KCNH5: variants seen among roughly 807,000 people sequenced by gnomAD.
KCNH5 encodes voltage-gated delayed rectifier potassium channel KCNH5.
In KCNH5, 46 loss-of-function variants were observed where a neutral mutation model predicts 96.1. That is an observed-to-expected ratio of 0.48 (90% CI 0.38 to 0.61). KCNH5 has a LOEUF of 0.61. Among genes scored for constraint, KCNH5 ranks in the 20% least tolerant of loss-of-function variants. The pLI is 0.00. For missense variants in KCNH5, 907 were observed against 1,225.8 expected (o/e 0.74, Z 3.88); for synonymous variants, 439 against 449.8 (o/e 0.98, Z 0.30).
intron 8 of KCNH5, among the ~76,000 whole-genome samples, chr14:62,829,874 A>C (rs1399927231): frequency 1.3e-5 from 2 of 152,178 alleles, no homozygotes; most frequent in Non-Finnish European, 2.9e-5. Flanking sequence ...AAATTTTCTA[A>C]ACTTTTATGC....
chr14:62,775,310 C>T (rs563609011), intron 10 of KCNH5, among the ~76,000 whole-genome samples: 2 of 152,318 alleles, frequency 1.3e-5, no homozygotes, highest in African/African-American at 4.8e-5. Context: ...AGTTCATTAA[C>T]TGATTCCATT....
In KCNH5 at chr14:62,938,264, T is replaced by A. The variant is rs116944916; in HGVS notation, c.1369+11869A>T. ...AATTTTTAAAGCCTCCAGTATTTCC[T>A]GAGAGTCCACTTAAATATAGTTCTC... On this transcript the variant is annotated intron_variant, in intron 7 of 10. Coordinates refer to ENST00000322893, the MANE Select transcript of KCNH5 (RefSeq NM_139318.5). 4.6e-3 allele frequency among the ~76,000 whole-genome samples: 706 copies of A among 152,292 alleles called. 1 individual carries two copies. The highest frequency in any genetic ancestry group is 0.02 in the Middle Eastern group (6 of 294).
intron 8 of KCNH5, among the ~76,000 whole-genome samples, chr14:62,838,391 G>A (rs911142800): frequency 6.6e-6 from 1 of 152,094 alleles, no homozygotes; most frequent in African/African-American, 2.4e-5. Flanking sequence ...CCCTGCATTA[G>A]ATAATCTAGG....
chr14:62,883,393 G>C (rs1313911139), intron 7 of KCNH5, among the ~76,000 whole-genome samples: 1 of 152,106 alleles, frequency 6.6e-6, no homozygotes, highest in African/African-American at 2.4e-5. Context: ...CTCTGTGGAG[G>C]GTGATTATGA....
At chr14:62,898,529 T>C (rs182897868) in intron 7 of KCNH5, among the ~76,000 whole-genome samples, 41 of 152,244 alleles carry the variant, frequency 2.7e-4, no homozygotes, top group African/African-American at 9.4e-4. Context: ...CAATTCAAAC[T>C]AATGTAAATA....
chr14:62,888,032 C>T (rs1566695861), intron 7 of KCNH5, among the ~76,000 whole-genome samples: 4 of 152,136 alleles, frequency 2.6e-5, no homozygotes, highest in African/African-American at 7.2e-5. Context: ...TTTCTAAGAG[C>T]ATTCGAAACT....
At chr14:62,732,420 C>T (rs1432413631) in intron 10 of KCNH5, among the ~76,000 whole-genome samples, 2 of 151,952 alleles carry the variant, frequency 1.3e-5, no homozygotes, top group African/African-American at 4.8e-5. Flanking sequence ...CATAAAGTAG[C>T]TTTAACTTCC....
intron 7 of KCNH5, among the ~76,000 whole-genome samples, chr14:62,857,368 T>C (rs914193222): frequency 1.3e-5 from 2 of 152,218 alleles, no homozygotes; most frequent in African/African-American, 2.4e-5. Context: ...ATCTCCACTT[T>C]ATCCTTCTAT....
At chr14:62,952,382 G>A (rs745846366) in intron 6 of KCNH5, among the ~76,000 whole-genome samples, 59 of 152,140 alleles carry the variant, frequency 3.9e-4, no homozygotes, top group Non-Finnish European at 7.5e-4. Context: ...ATGGAACAGT[G>A]CAGTCATCAA....
chr14:62,726,038 G>A (rs1168779800), intron 10 of KCNH5, among the ~76,000 whole-genome samples: 1 of 152,178 alleles, frequency 6.6e-6, no homozygotes, highest in Non-Finnish European at 1.5e-5. Context: ...TAATACTGCA[G>A]TACACAGGGG....
At chr14:62,859,145 A>T (rs1950566) in intron 7 of KCNH5, among the ~76,000 whole-genome samples, 25,004 of 152,026 alleles carry the variant, frequency 0.16, 2,538 homozygotes, top group East Asian at 0.38. Flanking sequence ...GTGAGGACAA[A>T]CCTCTGCCCT....
At chr14:62,973,165 A>G (rs1890440894) in intron 6 of KCNH5, among the ~76,000 whole-genome samples, 1 of 152,150 alleles carries the variant, frequency 6.6e-6, no homozygotes, top group African/African-American at 2.4e-5. Flanking sequence ...TACAAACCTA[A>G]AAGCGGTCTT....
At chr14:63,005,797 C>A (rs1227794223) in intron 3 of KCNH5, among the ~76,000 whole-genome samples, 1 of 152,104 alleles carries the variant, frequency 6.6e-6, no homozygotes, top group Non-Finnish European at 1.5e-5. Flanking sequence ...ACATACAAAT[C>A]TCATCCCAGA....
intron 10 of KCNH5, among the ~76,000 whole-genome samples, chr14:62,726,877 A>G (rs1884937190): frequency 1.3e-5 from 2 of 152,232 alleles, no homozygotes; most frequent in Non-Finnish European, 2.9e-5. Context: ...GAATAAATAC[A>G]TACATTGAAG....
At chr14:62,770,291 A>G (rs975945465) in intron 10 of KCNH5, among the ~76,000 whole-genome samples, 1 of 152,222 alleles carries the variant, frequency 6.6e-6, no homozygotes, top group Admixed American at 6.5e-5. Context: ...GCTACTGAGA[A>G]GCTTCATTGA....
At chr14:62,977,209 T>TA (rs906202506) in intron 6 of KCNH5, among the ~76,000 whole-genome samples, 5 of 151,646 alleles carry the variant, frequency 3.3e-5, no homozygotes, top group African/African-American at 4.9e-5. Flanking sequence ...TAAAAAAATT[T>TA]AAAAAAAATT....
At chr14:62,927,218 G>A (rs935072016) in intron 7 of KCNH5, among the ~76,000 whole-genome samples, 1 of 152,144 alleles carries the variant, frequency 6.6e-6, no homozygotes, top group Admixed American at 6.5e-5. Flanking sequence ...CCATTAAGAT[G>A]GCTACTTGCA....
chr14:62,749,807 C>T (rs578086917), intron 10 of KCNH5, among the ~76,000 whole-genome samples: 1 of 152,260 alleles, frequency 6.6e-6, no homozygotes, highest in African/African-American at 2.4e-5. Context: ...GTTTGATTGG[C>T]TCTTTCCACT....
At chr14:62,909,335 G>A (rs1889104753) in intron 7 of KCNH5, among the ~76,000 whole-genome samples, 1 of 151,956 alleles carries the variant, frequency 6.6e-6, no homozygotes, top group Admixed American at 6.6e-5. Context: ...GTGAGCCACC[G>A]CGCCCGGCCT....
Sources: allele counts gnomAD v4.1 joint callset (sites outside exome capture counted in the v4.1 genomes callset), GRCh38; gene constraint gnomAD v4.1.1; transcripts MANE v1.5; gene names NCBI Gene and HGNC (gene_info 2026-07-23, HGNC 2026-07-21).